Variants in LINGO1 observed in about 807,000 individuals in gnomAD.
The protein encoded by LINGO1 is leucine rich repeat and Ig domain containing 1.
Under a neutral mutation model 37.3 loss-of-function variants are expected in LINGO1, and 11 were observed. The observed-to-expected ratio is 0.29, with a 90% CI of 0.19 to 0.49. The LOEUF is 0.49. Ranked by LOEUF, LINGO1 falls within the 20% of genes least tolerant of loss-of-function variation. The pLI, the probability that LINGO1 is intolerant of heterozygous loss-of-function variation, is 0.99. For synonymous variants in LINGO1, 387 were observed against 403.0 expected (o/e 0.96, Z 0.48); for missense variants, 585 against 878.2 (o/e 0.67, Z 4.22).
intron 2 of LINGO1, among the ~76,000 whole-genome samples, chr15:77,719,725 C>T (rs976185476): frequency 2.7e-5 from 4 of 149,862 alleles, no homozygotes; most frequent in Non-Finnish European, 3.0e-5. Flanking sequence ...CTCACATTCA[C>T]GCACATATAT....
At chr15:77,637,629 A>G (rs1230577689), upstream of LINGO1, among the ~76,000 whole-genome samples, 1 of 152,086 alleles carries the variant, frequency 6.6e-6, no homozygotes, top group African/African-American at 2.4e-5. This position sits in a 1 kb window ranked among gnomAD's most constrained non-coding sequence, Gnocchi z 4.6. Flanking sequence ...TGATAAATGC[A>G]GGTATTTTTA....
chr15:77,705,913 G>A (rs1172314194), intron 2 of LINGO1, among the ~76,000 whole-genome samples: 1 of 152,124 alleles, frequency 6.6e-6, no homozygotes, highest in African/African-American at 2.4e-5. Flanking sequence ...CACCCTGTGG[G>A]GCAAAGCACT....
chr15:77,713,633 A>G (rs766060092), intron 2 of LINGO1, among the ~76,000 whole-genome samples: 26 of 152,002 alleles, frequency 1.7e-4, no homozygotes, highest in Non-Finnish European at 3.1e-4. Context: ...ACACACGCGC[A>G]CACACACACG....
At chr15:77,780,239 A>G (rs894705963) in intron 1 of LINGO1, among the ~76,000 whole-genome samples, 2 of 152,082 alleles carry the variant, frequency 1.3e-5, no homozygotes, top group African/African-American at 4.8e-5. Context: ...AGGGCCTTGG[A>G]GAGCAGGCCA....
At chr15:77,730,669 T>C (rs745868113) in intron 2 of LINGO1, among the ~76,000 whole-genome samples, 3 of 152,202 alleles carry the variant, frequency 2.0e-5, no homozygotes, top group Non-Finnish European at 4.4e-5. Flanking sequence ...AGGGCATCAG[T>C]AGACGCTCTG....
At chr15:77,620,626 C>T (rs2073888585) in intron 1 of LINGO1, among the ~76,000 whole-genome samples, 1 of 152,248 alleles carries the variant, frequency 6.6e-6, no homozygotes, top group South Asian at 2.1e-4. Context: ...GGTGCTGCCA[C>T]CAGAAACTAG....
upstream of LINGO1, among the ~76,000 whole-genome samples, chr15:77,699,157 AGCATTC>A (rs1225497002): frequency 1.3e-5 from 2 of 151,954 alleles, no homozygotes; most frequent in Admixed American, 1.3e-4. Context: ...CCCCAACATT[AGCATTC>A]GCTGCTGAGG....
At chr15:77,699,715 A>ATCACCTG (rs1567532179), upstream of LINGO1, among the ~76,000 whole-genome samples, 155 of 5,860 alleles carry the variant, frequency 0.026, no homozygotes, top group Middle Eastern at 0.1. Context: ...CATCATTCCC[A>ATCACCTG]CACACAATAA....
At chr15:77,796,707 C>T (rs902302973) in intron 1 of LINGO1, among the ~76,000 whole-genome samples, 1 of 89,442 alleles carries the variant, frequency 1.1e-5, no homozygotes, top group Non-Finnish European at 2.3e-5. Flanking sequence ...CCAGCCTCTC[C>T]TGCCTTTTTT....
intron 2 of LINGO1, among the ~76,000 whole-genome samples, chr15:77,705,258 T>G (rs62009150): frequency 0.025 from 3,712 of 150,572 alleles, 75 homozygotes; most frequent in Non-Finnish European, 0.038. Flanking sequence ...CCGACCAGTT[T>G]TATTCCCTGA....
At chr15:77,757,209 G>A (rs578025100) in intron 1 of LINGO1, among the ~76,000 whole-genome samples, 1 of 152,362 alleles carries the variant, frequency 6.6e-6, no homozygotes, top group African/African-American at 2.4e-5. Flanking sequence ...GATCATCTTG[G>A]TTTGACATTT....
At chr15:77,756,588 G>C (rs146294841) in intron 1 of LINGO1, among the ~76,000 whole-genome samples, 1 of 152,186 alleles carries the variant, frequency 6.6e-6, no homozygotes, top group East Asian at 1.9e-4. Flanking sequence ...CCGGGGCTGG[G>C]AGCCCAGGCT....
intron 1 of LINGO1, among the ~76,000 whole-genome samples, chr15:77,781,150 C>A (rs1567580916): frequency 6.6e-6 from 1 of 152,198 alleles, no homozygotes; most frequent in Non-Finnish European, 1.5e-5. Flanking sequence ...CAGGGACAGT[C>A]CCCAGATTGA....
chr15:77,709,090 C>A (rs2075887317), intron 2 of LINGO1, among the ~76,000 whole-genome samples: 1 of 152,182 alleles, frequency 6.6e-6, no homozygotes, highest in Non-Finnish European at 1.5e-5. Context: ...CACGGCCCTG[C>A]ACCTTGATCT....
intron 1 of LINGO1, among the ~76,000 whole-genome samples, chr15:77,750,593 G>A (rs1427502549): frequency 6.6e-6 from 1 of 152,078 alleles, no homozygotes; most frequent in Non-Finnish European, 1.5e-5. Context: ...CTTCTGGTCT[G>A]GTCCACCCAC....
Position 77,624,146 on chromosome 15 carries a change from ATGTG to A in LINGO1, c.6+8160_6+8163del, listed in dbSNP as rs534830015. 4.0e-3 allele frequency among the ~76,000 whole-genome samples: 338 copies of A among 84,830 alleles called. 3 individuals carry two copies. Among genetic ancestry groups the A allele is most frequent in the African/African-American group, 0.014 (311 of 21,522 alleles). The allele number at this position is 84,830 out of a possible 152,430, so 55.7% of individuals were successfully genotyped here. A position where few individuals can be genotyped will look rare whatever the true frequency, so the allele number is the denominator to read the frequency against. On this transcript the variant is annotated intron_variant, in intron 1 of 1. Transcript: ENST00000355300. ...TCTGTGTGTGTGGCCTGTGTGTGTGATGTGTGTGAGTGGCCTCTGTGTGTGTGTG... is the reference window on the plus strand; with the variant it reads ...TCTGTGTGTGTGGCCTGTGTGTGTGATGTGAGTGGCCTCTGTGTGTGTGTG...
chr15:77,751,878 T>C (rs902800950), intron 1 of LINGO1, among the ~76,000 whole-genome samples: 2 of 152,142 alleles, frequency 1.3e-5, no homozygotes, highest in Non-Finnish European at 2.9e-5. Flanking sequence ...TCCTAAGTAA[T>C]GAACATGAAG....
intron 2 of LINGO1, among the ~76,000 whole-genome samples, chr15:77,683,206 C>T (rs2075447080): frequency 6.6e-6 from 1 of 152,120 alleles, no homozygotes; most frequent in Admixed American, 6.6e-5. Flanking sequence ...CGGCAAATAT[C>T]CGGAAGATTG....
intron 2 of LINGO1, among the ~76,000 whole-genome samples, chr15:77,712,002 G>T (rs1454399405): frequency 6.6e-6 from 1 of 152,124 alleles, no homozygotes; most frequent in Non-Finnish European, 1.5e-5. Context: ...CATCTACAGT[G>T]GTTCTGTCCC....
Sources: allele counts gnomAD v4.1 joint callset (sites outside exome capture counted in the v4.1 genomes callset), GRCh38; gene constraint gnomAD v4.1.1; non-coding constraint Gnocchi (gnomAD v3.1); transcripts MANE v1.5; gene names NCBI Gene and HGNC (gene_info 2026-07-23, HGNC 2026-07-21).